SIPA1L2: variants seen among roughly 807,000 people sequenced by gnomAD.
SIPA1L2 encodes signal induced proliferation associated 1 like 2, also known as signal-induced proliferation-associated 1-like protein 2.
In SIPA1L2, 56 loss-of-function variants were observed where a neutral mutation model predicts 163.9. The observed-to-expected ratio is 0.34, with a 90% CI of 0.28 to 0.43. SIPA1L2 has a LOEUF of 0.43. Ranked by LOEUF, SIPA1L2 falls within the 20% of genes least tolerant of loss-of-function variation. The probability of loss-of-function intolerance (pLI) is 1.00; values close to 1 mark genes in which losing one functional copy is unlikely to be tolerated. For missense variants in SIPA1L2, 1,974 were observed against 2,193.5 expected (o/e 0.90, Z 2.00); for synonymous variants, 877 against 865.7 (o/e 1.01, Z -0.23).
At chr1:232,492,417 C>A (rs1208239699) in intron 4 of SIPA1L2, among the ~76,000 whole-genome samples, 2 of 152,154 alleles carry the variant, frequency 1.3e-5, no homozygotes, top group African/African-American at 4.8e-5. Flanking sequence ...TGTAACCATA[C>A]TGCCCTACAG....
At chr1:232,430,299 A>T (rs971998040) in intron 16 of SIPA1L2, among the ~76,000 whole-genome samples, 12 of 152,364 alleles carry the variant, frequency 7.9e-5, no homozygotes, top group African/African-American at 2.9e-4. Flanking sequence ...CTCACAAAGG[A>T]CATTTAGGCA....
At chr1:232,504,473 G>C (rs1261303080) in intron 3 of SIPA1L2, among the ~76,000 whole-genome samples, 1 of 152,034 alleles carries the variant, frequency 6.6e-6, no homozygotes, top group Admixed American at 6.5e-5. Flanking sequence ...GGGAGGTTGA[G>C]GTTGCAGTGA....
rs577307018 is a variant in SIPA1L2, at chr1:232,403,567, C to T, written c.4821G>A (p.Gln1607=). The T allele has an allele frequency of 1.2e-6, 2 of 1,613,006 alleles. No individual in the cohort carries two copies. ...LLCHHTSYLD[Q]RVASFCTLTD... Reference sequence around the variant, plus strand: ...TCAGGGTGCAGAAGGATGCCACCCTCTGGTCTGGGGAGGGGAGAAACACAC... The same window carrying T: ...TCAGGGTGCAGAAGGATGCCACCCTTTGGTCTGGGGAGGGGAGAAACACAC... The change falls in exon 21 of 23, where the codon CAG becomes CAA. Residue 1607 remains glutamine, a synonymous_variant. Transcript: ENST00000674635.
At chr1:232,562,957 A>G (rs917108866) in intron 2 of SIPA1L2, among the ~76,000 whole-genome samples, 2 of 152,240 alleles carry the variant, frequency 1.3e-5, no homozygotes, top group African/African-American at 4.8e-5. Context: ...AGAGCTGTGT[A>G]GACATCTGGC....
At chr1:232,502,897 GC>G (rs1432144375) in intron 3 of SIPA1L2, among the ~76,000 whole-genome samples, 1 of 152,238 alleles carries the variant, frequency 6.6e-6, no homozygotes, top group Admixed American at 6.5e-5. Context: ...CAGAGACTGT[GC>G]CCCCTCCCAT....
At chr1:232,582,540 C>A (rs1558284582) in intron 1 of SIPA1L2, among the ~76,000 whole-genome samples, 1 of 152,196 alleles carries the variant, frequency 6.6e-6, no homozygotes, top group African/African-American at 2.4e-5. Context: ...ACCACATTTT[C>A]TTTATTTAAT....
At chr1:232,518,337 T>C (rs1230562831) in intron 2 of SIPA1L2, among the ~76,000 whole-genome samples, 7 of 152,164 alleles carry the variant, frequency 4.6e-5, no homozygotes, top group Non-Finnish European at 1.0e-4. Flanking sequence ...ATTTAATTTG[T>C]GTGAGGCTAA....
At chr1:232,527,322 T>C (rs1355604204) in intron 2 of SIPA1L2, among the ~76,000 whole-genome samples, 1 of 152,194 alleles carries the variant, frequency 6.6e-6, no homozygotes, top group African/African-American at 2.4e-5. Context: ...GAAAACAAAG[T>C]TTCCTGGAAA....
At chr1:232,454,059 T>C (rs1045411222) in intron 10 of SIPA1L2, among the ~76,000 whole-genome samples, 1 of 152,272 alleles carries the variant, frequency 6.6e-6, no homozygotes, top group East Asian at 1.9e-4. Context: ...AAACTCTTTC[T>C]GGTACATAAA....
At chr1:232,399,371 A>T in intron 22 of SIPA1L2, 98 bp from the exon 23 acceptor site, 1 of 1,370,108 alleles carries the variant, frequency 7.3e-7, no homozygotes, top group Non-Finnish European at 9.9e-7. Context: ...ATTTTTACTT[A>T]TGTACTTTTT....
Position 232,399,068 on chromosome 1 carries a change from T to C in SIPA1L2, c.*59A>G. ...AAAGCACACAGAAAAACCACATGTT[T>C]GTGACTTCAAAGGGACAAGGGGCAT... On this transcript the variant is annotated 3_prime_UTR_variant, in exon 23 of 23. Transcript: ENST00000674635. 1 of 1,607,862 alleles carries C rather than the reference T, an allele frequency of 6.2e-7. No homozygotes were observed. Among genetic ancestry groups the C allele is most frequent in the Non-Finnish European group, 8.5e-7 (1 of 1,175,966 alleles).
intron 2 of SIPA1L2, among the ~76,000 whole-genome samples, chr1:232,535,013 G>A (rs984151142): frequency 1.3e-5 from 2 of 152,158 alleles, no homozygotes; most frequent in Non-Finnish European, 2.9e-5. Context: ...ACTCATAAAT[G>A]TAATACGCTA....
intron 15 of SIPA1L2, 102 bp downstream of exon 15, chr1:232,439,006 C>T (rs1482433322): frequency 1.8e-5 from 23 of 1,245,710 alleles, no homozygotes; most frequent in Non-Finnish European, 2.3e-5. Context: ...CACCAACCTA[C>T]CTGATGCCCC....
chr1:232,544,067 T>C (rs994766459), intron 2 of SIPA1L2, among the ~76,000 whole-genome samples: 11 of 152,070 alleles, frequency 7.2e-5, no homozygotes, highest in South Asian at 4.1e-4. Context: ...GTTTTAAATA[T>C]GGGCATAGGT....
At chr1:232,457,221 C>T (rs1171263396) in intron 10 of SIPA1L2, among the ~76,000 whole-genome samples, 1 of 152,206 alleles carries the variant, frequency 6.6e-6, no homozygotes, top group African/African-American at 2.4e-5. Context: ...AAACCAAACA[C>T]CTTTTGACCT....
Position 232,524,202 on chromosome 1 carries a change from G to C in SIPA1L2, c.-269-8594C>G, listed in dbSNP as rs147252184. ...TGGATGCTGTGGGTGGGAAGAGTAT[G>C]AAAGATGAATGAAAGAGCTTCCTAA... On this transcript the variant is annotated intron_variant, in intron 2 of 22. Transcript: ENST00000674635. 6.3e-3 allele frequency among the ~76,000 whole-genome samples: 952 copies of C among 152,320 alleles called. 12 individuals carry two copies. The highest frequency in any genetic ancestry group is 0.022 in the African/African-American group (910 of 41,562).
At chr1:232,592,626 T>G (rs1344504837) in intron 1 of SIPA1L2, among the ~76,000 whole-genome samples, 1 of 152,140 alleles carries the variant, frequency 6.6e-6, no homozygotes, top group Non-Finnish European at 1.5e-5. Context: ...GAAGGAAAGT[T>G]TACTGTTACC....
At position 232,428,663 on chromosome 1, in the gene SIPA1L2, A is replaced by G. The variant is rs956137197; in HGVS notation, c.4257-99T>C. 5.9e-6 allele frequency: 5 copies of G among 845,076 alleles called. No homozygotes were observed. In the Admixed American group the frequency reaches 1.3e-4, roughly 21 times the overall value. 52.3% of individuals were successfully genotyped at this position (845,076 alleles called of 1,614,324 possible). ...AAGCAGTTTCAACAGCCACAAACGC[A>G]TACAAACACTTCTTAGGTCTTAAGT... is the stretch of plus-strand genomic sequence containing the variant. On this transcript the variant is annotated intron_variant, in intron 16 of 22. Coordinates refer to ENST00000674635, the MANE Select transcript of SIPA1L2 (RefSeq NM_020808.5).
At chr1:232,511,786 T>C (rs1340292176) in intron 3 of SIPA1L2, among the ~76,000 whole-genome samples, 1 of 152,036 alleles carries the variant, frequency 6.6e-6, no homozygotes, top group Non-Finnish European at 1.5e-5. Flanking sequence ...GAAGAAAACC[T>C]GGGCAATACC....
Sources: allele counts gnomAD v4.1 joint callset (sites outside exome capture counted in the v4.1 genomes callset), GRCh38; gene constraint gnomAD v4.1.1; transcripts MANE v1.5; gene names NCBI Gene and HGNC (gene_info 2026-07-23, HGNC 2026-07-21).